TNRC18: variants seen among roughly 807,000 people sequenced by gnomAD.
The protein encoded by TNRC18 is trinucleotide repeat-containing gene 18 protein.
Under a neutral mutation model 226.7 loss-of-function variants are expected in TNRC18, and 69 were observed. The ratio of observed to expected loss-of-function variants is 0.30; its 90% CI spans 0.25 to 0.37. TNRC18 has a LOEUF of 0.37. TNRC18 is among the 10% of genes least tolerant of loss of function. The pLI is 1.00. For missense variants in TNRC18, 4,754 were observed against 4,256.6 expected (o/e 1.12, Z -3.25); for synonymous variants, 2,449 against 1,927.6 (o/e 1.27, Z -7.09).
chr7:5,419,236 T>C (rs951689528), intron 2 of TNRC18, among the ~76,000 whole-genome samples: 2 of 152,250 alleles, frequency 1.3e-5, no homozygotes, highest in Non-Finnish European at 2.9e-5. Flanking sequence ...GCACTGTGCA[T>C]GCATGCATGA....
intron 5 of TNRC18, among the ~76,000 whole-genome samples, chr7:5,384,956 G>A (rs558001134): frequency 6.6e-6 from 1 of 152,360 alleles, no homozygotes; most frequent in East Asian, 1.9e-4. Context: ...TCCAAGACAA[G>A]CCTGACAGAG....
intron 14 of TNRC18, among the ~76,000 whole-genome samples, chr7:5,360,936 C>A (rs1171081765): frequency 6.6e-6 from 1 of 152,172 alleles, no homozygotes; most frequent in East Asian, 1.9e-4. Context: ...GCGTCTACCC[C>A]ACCCTCCTGC....
At chr7:5,402,227 C>A (rs1781154854) in intron 2 of TNRC18, among the ~76,000 whole-genome samples, 1 of 147,354 alleles carries the variant, frequency 6.8e-6, no homozygotes, top group South Asian at 2.1e-4. Flanking sequence ...CAGAGCAAGA[C>A]CCCATCCCAA....
At chr7:5,359,147 G>A (rs1792764734) in intron 15 of TNRC18, among the ~76,000 whole-genome samples, 1 of 152,220 alleles carries the variant, frequency 6.6e-6, no homozygotes, top group Non-Finnish European at 1.5e-5. Flanking sequence ...AGCACACAGA[G>A]GGAGATAGCT....
At chr7:5,311,495 C>T (rs891975492) in intron 27 of TNRC18, among the ~76,000 whole-genome samples, 1 of 152,166 alleles carries the variant, frequency 6.6e-6, no homozygotes. Flanking sequence ...TGGCCAGGAG[C>T]CCGGGGCGTG....
intron 2 of TNRC18, among the ~76,000 whole-genome samples, chr7:5,402,874 G>T (rs1323329173): frequency 6.6e-6 from 1 of 151,728 alleles, no homozygotes; most frequent in Non-Finnish European, 1.5e-5. Context: ...ATATATTTAT[G>T]GTGTGGAATG....
At chr7:5,391,885 C>T (rs1420229820) in intron 3 of TNRC18, among the ~76,000 whole-genome samples, 1 of 145,224 alleles carries the variant, frequency 6.9e-6, no homozygotes, top group Non-Finnish European at 1.5e-5. Context: ...AAAGGGCACA[C>T]AGAATGACAG....
Position 5,357,226 on chromosome 7 carries a change from G to C in TNRC18, c.4884C>G (p.Ser1628Arg), listed in dbSNP as rs749756921. 11 of 1,612,526 alleles carry C rather than the reference G, an allele frequency of 6.8e-6. No individual in the cohort carries two copies. The highest frequency in any genetic ancestry group is 9.3e-6 in the Non-Finnish European group (11 of 1,179,430). ...KMASDQEQLA[S>R]KLDKALSLTK... is the part of the protein sequence containing the mutation. ...TGAGGGAGAGGGCCTTGTCGAGCTT[G>C]CTTGCCAACTGCTCCTGGTCGCTGG... Residue 1628 changes from serine (S) to arginine (R), a missense_variant, in exon 16 of 30, where the codon AGC (serine) becomes AGG (arginine). Physicochemically the swap from Ser to Arg is moderately radical, Grantham distance 110 (BLOSUM62 -1). Coordinates refer to ENST00000430969, the MANE Select transcript of TNRC18 (RefSeq NM_001080495.3).
chr7:5,332,805 G>A lies in TNRC18; in HGVS notation c.5964C>T (p.Ala1988=). 3 of 1,510,154 alleles carry A rather than the reference G, an allele frequency of 2.0e-6. No homozygotes were observed. Among genetic ancestry groups the A allele is most frequent in the East Asian group, 2.6e-5 (1 of 38,740 alleles). The allele number at this position is 1,510,154 out of a possible 1,614,324, so 93.5% of individuals were successfully genotyped here. A position where few individuals can be genotyped will look rare whatever the true frequency, so the allele number is the denominator to read the frequency against. ...KEPGFEAGPE[A]SDDDLWTRRR... ...GCCGCGTCCACAGGTCGTCGTCGCT[G>A]GCCTCGGGCCCCGCCTCGAAGCCAG... The change falls in exon 19 of 30, where the codon GCC becomes GCT. Residue 1988 remains alanine (A), a synonymous_variant. Transcript: ENST00000430969.
chr7:5,339,821 C>T (rs1020233927), intron 18 of TNRC18, among the ~76,000 whole-genome samples: 11 of 151,894 alleles, frequency 7.2e-5, no homozygotes, highest in South Asian at 4.2e-4. Context: ...CCGCCCACCT[C>T]GGCCTCCCAA....
At position 5,389,366 on chromosome 7, in the gene TNRC18, C is replaced by G. The variant is rs997429692; in HGVS notation, c.488-30G>C. 4.8e-6 allele frequency: 6 copies of G among 1,242,006 alleles called. No homozygotes were observed. In the African/African-American group the frequency reaches 7.8e-5, roughly 16 times the overall value. 76.9% of individuals were successfully genotyped at this position (1,242,006 alleles called of 1,614,324 possible). On this transcript the variant is annotated intron_variant, in intron 4 of 29. Transcript: ENST00000430969. ...GGAGAAGGGAACAGCAGGCAGTGAG[C>G]GAGCGCCACCTCCCCTCCCACCCCT...
chr7:5,413,339 G>A (rs73059713), intron 2 of TNRC18, among the ~76,000 whole-genome samples: 13,123 of 151,986 alleles, frequency 0.086, 724 homozygotes, highest in Middle Eastern at 0.15. Context: ...CTCCACAAGT[G>A]GTTCGCACCC....
chr7:5,422,910 G>A (rs1397127931), intron 1 of TNRC18: 1 of 152,170 alleles, frequency 6.6e-6, no homozygotes, highest in African/African-American at 2.4e-5. Context: ...AGATTCTTTG[G>A]GTAGCTTTCT....
chr7:5,336,130 C>T (rs563055207), intron 18 of TNRC18, among the ~76,000 whole-genome samples: 1 of 151,754 alleles, frequency 6.6e-6, no homozygotes, highest in African/African-American at 2.4e-5. Flanking sequence ...TTACTTGAGC[C>T]CAGGAGGCGG....
chr7:5,353,457 G>A (rs988397412), intron 16 of TNRC18, among the ~76,000 whole-genome samples: 1 of 151,842 alleles, frequency 6.6e-6, no homozygotes, highest in African/African-American at 2.4e-5. Context: ...TACTCCGGAG[G>A]CTGAGGTGGG....
chr7:5,389,396 G>A (rs1301480492), intron 4 of TNRC18, 60 bp from the exon 5 acceptor site: 2 of 1,220,858 alleles, frequency 1.6e-6, no homozygotes, highest in Non-Finnish European at 2.0e-6. Flanking sequence ...ACCCCTGCCT[G>A]GGCGGAGGCG....
chr7:5,351,703 C>G (rs1448971493), intron 17 of TNRC18, 116 bp downstream of exon 17: 4 of 1,215,234 alleles, frequency 3.3e-6, no homozygotes, highest in African/African-American at 1.5e-5. Flanking sequence ...CGGCCATCCG[C>G]ACGGGCCTCC....
Position 5,394,476 on chromosome 7 carries a change from G to A in TNRC18, c.307C>T (p.Pro103Ser), listed in dbSNP as rs73057725. 0.03 allele frequency: 46,501 copies of A among 1,559,008 alleles called. 829 individuals carry two copies. Among genetic ancestry groups the A allele is most frequent in the Non-Finnish European group, 0.036 (41,324 of 1,152,834 alleles). The change falls in exon 3 of 30, where the codon CCC (proline) becomes TCC (serine). Residue 103 changes from proline (P) to serine (S), a missense_variant. Physicochemically the swap from Pro to Ser is moderately conservative, Grantham distance 74. Coordinates refer to ENST00000430969, the MANE Select transcript of TNRC18 (RefSeq NM_001080495.3). This position sits in a 1 kb window ranked among gnomAD's most constrained non-coding sequence, Gnocchi z 4.5. ...TGGGCGGCCCACAGCTGCACCATGG[G>A]CAGGTTGCTAGGGGTTGGGGAGCGG... is the stretch of plus-strand genomic sequence containing the variant. ...SFRSPTPSNLPMVQLWAAHAH... is the reference protein window; with the variant it reads ...SFRSPTPSNLSMVQLWAAHAH...
At chr7:5,403,096 T>TA (rs1781221513) in intron 2 of TNRC18, among the ~76,000 whole-genome samples, 1 of 151,756 alleles carries the variant, frequency 6.6e-6, no homozygotes, top group Admixed American at 6.6e-5. Flanking sequence ...AAGCGTCTGT[T>TA]AGACATAGGT....
Sources: gnomAD v4.1 joint callset for allele counts (sites outside exome capture counted in the v4.1 genomes callset) on GRCh38, gnomAD v4.1.1 for gene constraint, Gnocchi (gnomAD v3.1) non-coding constraint, MANE v1.5 for transcripts, NCBI Gene and HGNC (gene_info 2026-07-23, HGNC 2026-07-21) for gene names.